RAP1GAP2: variants seen among roughly 807,000 people sequenced by gnomAD.
RAP1GAP2 encodes the protein RAP1 GTPase activating protein 2.
Under a neutral mutation model 95.0 loss-of-function variants are expected in RAP1GAP2, and 27 were observed. That is an observed-to-expected ratio of 0.28 (90% CI 0.21 to 0.39). The LOEUF (loss-of-function observed/expected upper bound fraction) is 0.39. RAP1GAP2 is among the 10% of genes least tolerant of loss of function. The pLI is 1.00. For synonymous variants in RAP1GAP2, 373 were observed against 380.9 expected (o/e 0.98, Z 0.24); for missense variants, 771 against 970.0 (o/e 0.79, Z 2.72).
Position 2,827,494 on chromosome 17 carries a change from A to G in RAP1GAP2, c.80+26944A>G, listed in dbSNP as rs1188008461. Among the ~76,000 whole-genome samples, 1 of 152,158 alleles carries G rather than the reference A, an allele frequency of 6.6e-6. No homozygotes were observed. Among genetic ancestry groups the G allele is most frequent in the Non-Finnish European group, 1.5e-5 (1 of 68,024 alleles). On this transcript the variant is annotated intron_variant, in intron 2 of 24. Coordinates refer to ENST00000254695, the MANE Select transcript of RAP1GAP2 (RefSeq NM_015085.5). The surrounding 1 kb of genome is among the most constrained non-coding windows in gnomAD (Gnocchi z 4.1). ...AAGGGGCTACCCTGGGTGGGTGGTCAGGAAGAGCCTCTCCATAGAAGGGAC... is the reference window on the plus strand; with the variant it reads ...AAGGGGCTACCCTGGGTGGGTGGTCGGGAAGAGCCTCTCCATAGAAGGGAC...
Position 2,756,337 on chromosome 17 carries a change from G to T in RAP1GAP2, c.50+570G>T, listed in dbSNP as rs1386223698. Among the ~76,000 whole-genome samples, 3 of 152,350 alleles carry T rather than the reference G, an allele frequency of 2.0e-5. No homozygotes were observed. In the East Asian group the frequency reaches 5.8e-4, roughly 29 times the overall value. On this transcript the variant is annotated intron_variant, in intron 1 of 25. Coordinates refer to the RAP1GAP2 transcript ENST00000637138. ...AGGGGAGGGGTCCCCGTGTAGCGGG[G>T]CAGTCGCCCTTTCCCCCTCCGCAGT...
chr17:2,788,377 C>T (rs1033481069), intron 1 of RAP1GAP2, among the ~76,000 whole-genome samples: 7 of 152,102 alleles, frequency 4.6e-5, no homozygotes, highest in Non-Finnish European at 8.8e-5. Flanking sequence ...CTCACTGCAA[C>T]CTCTACCTCC....
intron 3 of RAP1GAP2, among the ~76,000 whole-genome samples, chr17:2,935,179 G>A (rs1278431398): frequency 1.3e-5 from 2 of 152,148 alleles, no homozygotes; most frequent in Admixed American, 1.3e-4. Context: ...TGATGATAGT[G>A]CTTGCCTCAC....
intron 2 of RAP1GAP2, among the ~76,000 whole-genome samples, chr17:2,863,548 C>G (rs913872459): frequency 1.3e-5 from 2 of 152,206 alleles, no homozygotes; most frequent in African/African-American, 4.8e-5. Context: ...GCCACCTCCT[C>G]CCTTCTTTCT....
intron 2 of RAP1GAP2, among the ~76,000 whole-genome samples, chr17:2,873,615 C>T (rs1421051849): frequency 6.8e-6 from 1 of 147,308 alleles, no homozygotes; most frequent in African/African-American, 2.5e-5. Context: ...ATAATTTTGG[C>T]GTTTGAGCCC....
At chr17:2,886,999 T>C (rs2073525643) in intron 2 of RAP1GAP2, among the ~76,000 whole-genome samples, 1 of 152,136 alleles carries the variant, frequency 6.6e-6, no homozygotes, top group African/African-American at 2.4e-5. Context: ...AAAGATTAAA[T>C]GAAATAACGT....
chr17:2,854,178 G>C (rs2072025144), intron 2 of RAP1GAP2: 1 of 978,468 alleles, frequency 1.0e-6, no homozygotes, highest in Non-Finnish European at 1.2e-6. Flanking sequence ...GGACTTTTCC[G>C]ATGGGTGTTT....
chr17:2,948,158 C>T (rs952657912), intron 3 of RAP1GAP2, among the ~76,000 whole-genome samples: 12 of 152,156 alleles, frequency 7.9e-5, no homozygotes, highest in African/African-American at 2.7e-4. Flanking sequence ...TGTGAGTTAG[C>T]GGTCATGTTT....
At chr17:2,801,796 G>T (rs1314597153) in intron 2 of RAP1GAP2, among the ~76,000 whole-genome samples, 3 of 152,140 alleles carry the variant, frequency 2.0e-5, no homozygotes, top group Non-Finnish European at 4.4e-5. Flanking sequence ...CGTCTGCTGA[G>T]GTCCGAAGCA....
At position 2,962,976 on chromosome 17, in the gene RAP1GAP2, C is replaced by G; in HGVS notation, c.246+262C>G. 4 of 543,160 alleles carry G rather than the reference C, an allele frequency of 7.4e-6. No homozygotes were observed. In the South Asian group the frequency reaches 1.0e-4, roughly 14 times the overall value. 33.6% of individuals were successfully genotyped at this position (543,160 alleles called of 1,614,324 possible). On this transcript the variant is annotated intron_variant, in intron 5 of 24. Transcript: ENST00000254695. ...TGGGACCTCAGGCTTGGCCGTTTGG[C>G]CCGGCTCTTCCCTACCCTGTGCAGT... is the stretch of plus-strand genomic sequence containing the variant.
At chr17:2,928,175 T>C (rs980825819) in intron 3 of RAP1GAP2, among the ~76,000 whole-genome samples, 2 of 152,188 alleles carry the variant, frequency 1.3e-5, no homozygotes, top group African/African-American at 2.4e-5. Flanking sequence ...CCAATTTTAC[T>C]TGAAGGAAGG....
Position 2,995,413 on chromosome 17 carries a change from A to T in RAP1GAP2, c.991A>T (p.Ile331Phe). 1 of 1,613,944 alleles carries T rather than the reference A, an allele frequency of 6.2e-7. No homozygotes were observed. Among genetic ancestry groups the T allele is most frequent in the Non-Finnish European group, 8.5e-7 (1 of 1,179,868 alleles). ...SVYTTFRDRE[I>F]MFHVSTKLPF... ...GTACACAACATTCCGGGACAGGGAGATCATGTTTCACGTTTCCACAAAGCT... is the reference window on the plus strand; with the variant it reads ...GTACACAACATTCCGGGACAGGGAGTTCATGTTTCACGTTTCCACAAAGCT... The change falls in exon 13 of 25, where the codon ATC (isoleucine) becomes TTC (phenylalanine). Residue 331 changes from isoleucine (I) to phenylalanine (F), a missense_variant. By Grantham distance (21) the Ile-to-Phe change is conservative. Coordinates refer to ENST00000254695, the MANE Select transcript of RAP1GAP2 (RefSeq NM_015085.5).
intron 2 of RAP1GAP2, among the ~76,000 whole-genome samples, chr17:2,843,710 C>T (rs182214142): frequency 6.6e-6 from 1 of 152,114 alleles, no homozygotes; most frequent in Non-Finnish European, 1.5e-5. Context: ...CCAAGAAAGA[C>T]AAGAGCTTCG....
intron 23 of RAP1GAP2, among the ~76,000 whole-genome samples, chr17:3,031,271 T>A (rs12938526): frequency 4.6e-3 from 81 of 17,484 alleles, no homozygotes; most frequent in Middle Eastern, 0.048. Flanking sequence ...CCCAGTCCCT[T>A]CCTGAGCTCT....
chr17:2,800,851 CTTTCTTT>C (rs2069260739), intron 2 of RAP1GAP2, among the ~76,000 whole-genome samples: 1 of 79,838 alleles, frequency 1.3e-5, no homozygotes, highest in Non-Finnish European at 2.8e-5. Context: ...TTCTTTCTTT[CTTTCTTT>C]TTTTTTTTTT....
chr17:3,017,160 T>A (rs1281619678), intron 17 of RAP1GAP2, among the ~76,000 whole-genome samples: 2 of 152,108 alleles, frequency 1.3e-5, no homozygotes, highest in African/African-American at 4.8e-5. Context: ...TGGTTGTGCC[T>A]TCCCGGGTCC....
At chr17:2,765,952 G>A (rs1176748374) in intron 1 of RAP1GAP2, among the ~76,000 whole-genome samples, 2 of 152,142 alleles carry the variant, frequency 1.3e-5, no homozygotes, top group Non-Finnish European at 2.9e-5. Context: ...CTGGGTGACA[G>A]AGTGAGAACC....
In RAP1GAP2 at chr17:2,758,181, C is replaced by T. The variant is rs576906766; in HGVS notation, c.50+2414C>T. Among the ~76,000 whole-genome samples the T allele has an allele frequency of 6.5e-3, 806 of 124,140 alleles. 29 individuals are homozygous for T. Among genetic ancestry groups the T allele is most frequent in the African/African-American group, 0.02 (661 of 32,538 alleles). The allele number at this position is 124,140 out of a possible 152,430, so 81.4% of individuals were successfully genotyped here. ...ACCACGCCTGGCCACGCCCCCCCCC[C>T]TTTTTTTTTTTTAAGATGAAGTCTA... On this transcript the variant is annotated intron_variant, in intron 1 of 25. Transcript: ENST00000637138.
At chr17:2,898,536 A>G (rs909390717) in intron 2 of RAP1GAP2, among the ~76,000 whole-genome samples, 4 of 152,248 alleles carry the variant, frequency 2.6e-5, no homozygotes, top group African/African-American at 7.2e-5. Flanking sequence ...GGGGCTTGGA[A>G]TTGAGCCATG....
Sources: gnomAD v4.1 joint callset for allele counts (sites outside exome capture counted in the v4.1 genomes callset) on GRCh38, gnomAD v4.1.1 for gene constraint, Gnocchi (gnomAD v3.1) non-coding constraint, MANE v1.5 for transcripts, NCBI Gene and HGNC (gene_info 2026-07-23, HGNC 2026-07-21) for gene names.